The following PACRG variants were observed in gnomAD, a reference collection of about 807,000 sequenced individuals.
PACRG encodes the protein parkin coregulated gene protein.
PACRG carries 29 observed loss-of-function variants against 29.7 expected under a neutral mutation model. The observed-to-expected ratio is 0.98, with a 90% CI of 0.73 to 1.33. The LOEUF is 1.33. Among genes scored for constraint, PACRG ranks in the 40% most tolerant of loss-of-function variants. The probability of loss-of-function intolerance (pLI) is 0.00; values close to 1 mark genes in which losing one functional copy is unlikely to be tolerated. For synonymous variants in PACRG, 116 were observed against 118.7 expected, an observed-to-expected ratio of 0.98 and a Z score of 0.15; for missense variants, 279 against 316.2, an observed-to-expected ratio of 0.88 and a Z score of 0.89.
At chr6:163,274,780 G>A (rs1259086618) in intron 4 of PACRG, among the ~76,000 whole-genome samples, 1 of 151,494 alleles carries the variant, frequency 6.6e-6, no homozygotes, top group East Asian at 1.9e-4. Flanking sequence ...TGATGTAGAA[G>A]TTGTTTAAAT....
At chr6:162,978,555 C>T (rs1802150451) in intron 2 of PACRG, among the ~76,000 whole-genome samples, 1 of 152,062 alleles carries the variant, frequency 6.6e-6, no homozygotes, top group South Asian at 2.1e-4. Flanking sequence ...AATACACTCC[C>T]AGTTGTTGGG....
chr6:162,756,272 A>C (rs1414276859), intron 1 of PACRG, among the ~76,000 whole-genome samples: 2 of 152,150 alleles, frequency 1.3e-5, no homozygotes, highest in Admixed American at 6.5e-5. Context: ...ATAGTATTGC[A>C]GTCTTTCTTT....
chr6:163,098,532 G>C (rs554257756), intron 4 of PACRG, among the ~76,000 whole-genome samples: 2 of 152,158 alleles, frequency 1.3e-5, no homozygotes, highest in African/African-American at 4.8e-5. Context: ...CCCAGATGCC[G>C]GGTGACAGTT....
At chr6:163,146,446 G>A (rs1777808340) in intron 4 of PACRG, among the ~76,000 whole-genome samples, 1 of 152,190 alleles carries the variant, frequency 6.6e-6, no homozygotes, top group Non-Finnish European at 1.5e-5. Flanking sequence ...CTGTCTCCAA[G>A]CTATCTACTT....
At chr6:163,256,462 T>A (rs1233890022) in intron 4 of PACRG, among the ~76,000 whole-genome samples, 1 of 151,736 alleles carries the variant, frequency 6.6e-6, no homozygotes, top group East Asian at 1.9e-4. Flanking sequence ...TGAAGAAAAA[T>A]AAAACAAAGA....
At chr6:163,135,150 A>G (rs1816878568) in intron 4 of PACRG, among the ~76,000 whole-genome samples, 1 of 151,690 alleles carries the variant, frequency 6.6e-6, no homozygotes, top group African/African-American at 2.4e-5. Context: ...TATTACTTTG[A>G]GATCTGTATT....
intron 1 of PACRG, among the ~76,000 whole-genome samples, chr6:162,736,697 T>C (rs1780191356): frequency 1.3e-5 from 2 of 151,996 alleles, no homozygotes; most frequent in Non-Finnish European, 2.9e-5. Context: ...CTATTCATTA[T>C]ATACATGTTA....
intron 2 of PACRG, among the ~76,000 whole-genome samples, chr6:162,842,334 C>A (rs1311119203): frequency 1.4e-5 from 2 of 140,800 alleles, no homozygotes. Context: ...TGAATTGATC[C>A]CTTTACCATT....
At chr6:163,042,816 T>C (rs754017457) in intron 2 of PACRG, 7 of 152,184 alleles carry the variant, frequency 4.6e-5, no homozygotes, top group Non-Finnish European at 8.8e-5. Flanking sequence ...TAAAAACTTG[T>C]CAAGGTTTAG....
intron 4 of PACRG, among the ~76,000 whole-genome samples, chr6:163,214,104 A>G (rs1223935547): frequency 6.6e-6 from 1 of 152,224 alleles, no homozygotes; most frequent in Admixed American, 6.5e-5. Flanking sequence ...AGTATTGTCC[A>G]ATAGAACCGT....
At chr6:162,903,479 G>A (rs1201393762) in intron 2 of PACRG, among the ~76,000 whole-genome samples, 1 of 152,122 alleles carries the variant, frequency 6.6e-6, no homozygotes, top group Admixed American at 6.5e-5. Context: ...CACAATCATG[G>A]CAGAAGGTGA....
intron 1 of PACRG, among the ~76,000 whole-genome samples, chr6:162,746,675 C>T (rs960126324): frequency 6.6e-6 from 1 of 152,134 alleles, no homozygotes; most frequent in Non-Finnish European, 1.5e-5. Context: ...TCTTGGTCTC[C>T]CCTCCCCTCG....
intron 2 of PACRG, among the ~76,000 whole-genome samples, chr6:163,002,277 G>T (rs1307043576): frequency 6.6e-6 from 1 of 152,152 alleles, no homozygotes; most frequent in Non-Finnish European, 1.5e-5. Flanking sequence ...GTTCCAATTT[G>T]CTGACCATCA....
rs760892847 is a variant in PACRG at position 162,870,164 on chromosome 6, G to A, written c.291+55883G>A. 6.6e-5 allele frequency among the ~76,000 whole-genome samples: 10 copies of A among 152,256 alleles called. No homozygotes were observed. In the South Asian group the frequency reaches 1.0e-3, roughly 16 times the overall value. Reference sequence around the variant, plus strand: ...TCTATTCACTATTATGTGTCCCTGCGTTCCTTAAGCACATTTTCACAGATG... The same window carrying A: ...TCTATTCACTATTATGTGTCCCTGCATTCCTTAAGCACATTTTCACAGATG... On this transcript the variant is annotated intron_variant, in intron 2 of 4. Coordinates refer to ENST00000366888, the MANE Select transcript of PACRG (RefSeq NM_001080379.2).
intron 3 of PACRG, among the ~76,000 whole-genome samples, chr6:163,083,675 G>A (rs371379578): frequency 5.3e-5 from 8 of 152,032 alleles, no homozygotes; most frequent in East Asian, 1.9e-4. Context: ...TTTATGTGCC[G>A]TGCCCATTTT....
In PACRG at chr6:163,032,802, T is replaced by A. The variant is rs1467857697; in HGVS notation, c.292-29348T>A. 2.0e-5 allele frequency among the ~76,000 whole-genome samples: 3 copies of A among 152,224 alleles called. No homozygotes were observed. The East Asian group carries it at 5.8e-4, about 29-fold the overall frequency. Reference sequence around the variant, plus strand: ...AAACCTTATAGATAAATATATCCAATCTTATTCAGTTTGACCATAAGGTAA... The same window carrying A: ...AAACCTTATAGATAAATATATCCAAACTTATTCAGTTTGACCATAAGGTAA... On this transcript the variant is annotated intron_variant, in intron 2 of 4. Transcript: ENST00000366888.
At chr6:163,017,406 C>T (rs189878633) in intron 2 of PACRG, among the ~76,000 whole-genome samples, 2 of 152,232 alleles carry the variant, frequency 1.3e-5, no homozygotes, top group South Asian at 2.1e-4. Context: ...CATAGGTCAT[C>T]GTGAAGTACC....
intron 2 of PACRG, among the ~76,000 whole-genome samples, chr6:162,952,682 G>A (rs1799741485): frequency 6.6e-6 from 1 of 152,132 alleles, no homozygotes; most frequent in South Asian, 2.1e-4. Context: ...ATCTTTAAAG[G>A]AGATAGCCCT....
Position 162,938,223 on chromosome 6 carries a change from A to G in PACRG, c.292-123927A>G, listed in dbSNP as rs536971528. 6.6e-5 allele frequency among the ~76,000 whole-genome samples: 10 copies of G among 152,358 alleles called. 1 individual carries two copies. The South Asian group carries it at 2.1e-3, about 32-fold the overall frequency. ...TCTCATCTAGGTTGCTGTGAATGCC[A>G]TTAATTCATTCCTTTTTTATGGATG... On this transcript the variant is annotated intron_variant, in intron 2 of 4. Transcript: ENST00000366888.
Sources: allele counts gnomAD v4.1 joint callset (sites outside exome capture counted in the v4.1 genomes callset), GRCh38; gene constraint gnomAD v4.1.1; transcripts MANE v1.5; gene names NCBI Gene and HGNC (gene_info 2026-07-23, HGNC 2026-07-21).